Variants in C1orf54 observed in about 807,000 individuals in gnomAD.
The protein encoded by C1orf54 is uncharacterized protein C1orf54.
Under a neutral mutation model 14.7 loss-of-function variants are expected in C1orf54, and 12 were observed. The ratio of observed to expected loss-of-function variants is 0.82; its 90% CI spans 0.52 to 1.32. C1orf54 has a LOEUF of 1.32. Among genes scored for constraint, C1orf54 ranks in the 40% most tolerant of loss-of-function variants. The probability of loss-of-function intolerance (pLI) is 0.00; values close to 1 mark genes in which losing one functional copy is unlikely to be tolerated. For missense variants in C1orf54, 163 were observed against 162.2 expected, an observed-to-expected ratio of 1.00 and a Z score of -0.03; for synonymous variants, 65 against 56.3, an observed-to-expected ratio of 1.16 and a Z score of -0.70.
At chr1:150,270,079 A>G (rs1652090179), upstream of C1orf54, among the ~76,000 whole-genome samples, 1 of 152,088 alleles carries the variant, frequency 6.6e-6, no homozygotes, top group South Asian at 2.1e-4. Context: ...GGGTATTGTA[A>G]TCTCATTTGG....
chr1:150,274,104 GAAGA>G lies in C1orf54; in HGVS notation c.69_72del (p.Glu23AspfsTer40). On this transcript the variant is annotated frameshift_variant, in exon 2 of 6. Coordinates refer to ENST00000369099, the MANE Select transcript of C1orf54 (RefSeq NM_024579.4). LOFTEE classifies it high-confidence loss of function. ...CCCCATAGGACAAGAATATGAGGATGAAGAAAGACTGGGAGAGGATGAATATTAT... is the reference window on the plus strand; with the variant it reads ...CCCCATAGGACAAGAATATGAGGATGAAGACTGGGAGAGGATGAATATTAT... The G allele has an allele frequency of 3.1e-6, 5 of 1,612,190 alleles. No individual in the cohort carries two copies. The highest frequency in any genetic ancestry group is 4.2e-6 in the Non-Finnish European group (5 of 1,178,244).
intron 5 of C1orf54, 117 bp downstream of exon 5, chr1:150,279,858 T>A: frequency 1.1e-6 from 1 of 879,024 alleles, no homozygotes; most frequent in Non-Finnish European, 1.8e-6. Flanking sequence ...GCCTGGTCAA[T>A]TATCAGCCAC....
At chr1:150,280,118 G>C (rs903298372) in intron 5 of C1orf54, among the ~76,000 whole-genome samples, 3 of 152,218 alleles carry the variant, frequency 2.0e-5, no homozygotes, top group African/African-American at 7.2e-5. Flanking sequence ...CAGCTATTGG[G>C]GGGGATGGGG....
upstream of C1orf54, chr1:150,268,978 A>C (rs1465755157): frequency 8.6e-6 from 5 of 578,830 alleles, no homozygotes; most frequent in Non-Finnish European, 1.5e-5. Flanking sequence ...GAAACCCCAA[A>C]TGAAGGTCCG....
chr1:150,275,295 C>T (rs587630446), intron 2 of C1orf54, among the ~76,000 whole-genome samples: 2 of 151,390 alleles, frequency 1.3e-5, no homozygotes, highest in African/African-American at 4.8e-5. Flanking sequence ...CTCAGCCTCC[C>T]AAAGTGCTGG....
chr1:150,272,970 A>G, intron 1 of C1orf54, 107 bp downstream of exon 1: 1 of 1,274,582 alleles, frequency 7.8e-7, no homozygotes, highest in Non-Finnish European at 1.1e-6. Flanking sequence ...GTGGGGAGCG[A>G]TAGAGTTTTC....
At chr1:150,274,241 T>C in intron 2 of C1orf54, 71 bp downstream of exon 2, 1 of 1,186,618 alleles carries the variant, frequency 8.4e-7, no homozygotes, top group Non-Finnish European at 1.2e-6. Context: ...TCTGAGACTT[T>C]GCTCTTCACT....
chr1:150,274,382 C>T (rs1305342648), intron 2 of C1orf54, among the ~76,000 whole-genome samples: 2 of 151,698 alleles, frequency 1.3e-5, no homozygotes, highest in Admixed American at 6.6e-5. Flanking sequence ...GGGCGGATCA[C>T]GAGGTCAGGA....
chr1:150,277,444 A>G (rs1553852730), intron 4 of C1orf54, among the ~76,000 whole-genome samples: 1 of 132,604 alleles, frequency 7.5e-6, no homozygotes, highest in African/African-American at 2.7e-5. Flanking sequence ...CAGAGGTTGC[A>G]GTGAGCCGAG....
At chr1:150,272,680 G>T, upstream of C1orf54, 1 of 808,110 alleles carries the variant, frequency 1.2e-6, no homozygotes, top group Non-Finnish European at 2.1e-6. Context: ...CCAGTAGGCG[G>T]GGAGTTCTGC....
rs1652437884 is a variant in C1orf54 at position 150,274,149 on chromosome 1, T to G, written c.109T>G (p.Tyr37Asp). The change falls in exon 2 of 6, where the codon TAT becomes GAT. Residue 37 changes from tyrosine (Y) to aspartate (D), a missense_variant. Transcript: ENST00000369099. ...EDEYYQVVYY[Y>D]TVTPSYDDFS... The stretch of plus-strand genomic sequence containing the variant: ...TGAATATTATCAGGTGGTCTATTAT[T>G]ATACAGTCACCCCCAGTTATGGTGA... The G allele has an allele frequency of 6.2e-7, 1 of 1,611,582 alleles. No homozygotes were observed. Among genetic ancestry groups the G allele is most frequent in the Non-Finnish European group, 8.5e-7 (1 of 1,177,776 alleles).
At chr1:150,269,401 A>G (rs957211186), upstream of C1orf54, 13 of 154,172 alleles carry the variant, frequency 8.4e-5, no homozygotes, top group African/African-American at 3.1e-4. Context: ...TCTTACTTGA[A>G]TGAGAGGAAA....
At chr1:150,272,112 C>T (rs1652247437), upstream of C1orf54, among the ~76,000 whole-genome samples, 1 of 151,904 alleles carries the variant, frequency 6.6e-6, no homozygotes, top group South Asian at 2.1e-4. Context: ...TGCACTCCAA[C>T]CTGGGTGACA....
At chr1:150,268,895 T>C, upstream of C1orf54, 2 of 1,234,398 alleles carry the variant, frequency 1.6e-6, no homozygotes, top group South Asian at 2.6e-5. Flanking sequence ...CCGCGTGGGG[T>C]GGCAACGCGA....
chr1:150,273,810 G>A (rs925031339), intron 1 of C1orf54, among the ~76,000 whole-genome samples: 2 of 152,080 alleles, frequency 1.3e-5, no homozygotes, highest in East Asian at 1.9e-4. Flanking sequence ...TCTCCCTTTG[G>A]GTTTATAGTA....
chr1:150,271,961 G>A (rs1652232236), upstream of C1orf54, among the ~76,000 whole-genome samples: 1 of 152,144 alleles, frequency 6.6e-6, no homozygotes. Flanking sequence ...CCAACATGGT[G>A]AAACCCCGTC....
chr1:150,269,033 G>GCAGCCCCACGGCCA, upstream of C1orf54: 1 of 492,972 alleles, frequency 2.0e-6, no homozygotes. Flanking sequence ...AATCCCGGCC[G>GCAGCCCCACGGCCA]CAGCCCCACG....
chr1:150,278,564 T>C (rs1407969560), intron 4 of C1orf54, among the ~76,000 whole-genome samples: 1 of 152,114 alleles, frequency 6.6e-6, no homozygotes, highest in Non-Finnish European at 1.5e-5. Flanking sequence ...ACTGTGCCTG[T>C]AGTGAGTGGG....
chr1:150,278,188 G>C (rs1242227454), intron 4 of C1orf54, among the ~76,000 whole-genome samples: 5 of 152,186 alleles, frequency 3.3e-5, no homozygotes, highest in Non-Finnish European at 7.3e-5. Flanking sequence ...CGTTGTTCCA[G>C]AAACAATCTG....
Sources: allele counts gnomAD v4.1 joint callset (sites outside exome capture counted in the v4.1 genomes callset), GRCh38; gene constraint gnomAD v4.1.1; transcripts MANE v1.5; gene names NCBI Gene and HGNC (gene_info 2026-07-23, HGNC 2026-07-21).